FRMPD2: variants seen among roughly 807,000 people sequenced by gnomAD.
FRMPD2 encodes FERM and PDZ domain containing 2, also known as FERM and PDZ domain-containing protein 2.
A neutral mutation model predicts 140.1 loss-of-function variants in FRMPD2; 96 were observed. The observed-to-expected ratio is 0.69, with a 90% CI of 0.58 to 0.81. FRMPD2 has a LOEUF of 0.81. Among genes scored for constraint, FRMPD2 ranks in the 40% least tolerant of loss-of-function variants. The pLI is 0.00. For missense variants in FRMPD2, 1,240 were observed against 1,447.4 expected (o/e 0.86, Z 2.32); for synonymous variants, 449 against 547.6 (o/e 0.82, Z 2.52).
chr10:48,239,541 A>G lies in FRMPD2; in HGVS notation c.788+64T>C, dbSNP rs1035049404. 3 of 1,147,694 alleles carry G rather than the reference A, an allele frequency of 2.6e-6. No individual in the cohort carries two copies. The African/African-American group carries it at 4.6e-5, about 18-fold the overall frequency. 71.1% of individuals were successfully genotyped at this position (1,147,694 alleles called of 1,614,324 possible). Reference sequence around the variant, plus strand: ...CTAATAATCAGTAAAGAAATAAGGTACCATAGCCCCCACACCTATGTCTCA... The same window carrying G: ...CTAATAATCAGTAAAGAAATAAGGTGCCATAGCCCCCACACCTATGTCTCA... On this transcript the variant is annotated intron_variant, in intron 7 of 28. Transcript: ENST00000374201.
chr10:48,181,345 C>T (rs1838541272), intron 20 of FRMPD2, among the ~76,000 whole-genome samples: 1 of 152,252 alleles, frequency 6.6e-6, no homozygotes, highest in South Asian at 2.1e-4. Context: ...ATCTTCCCAT[C>T]TTCTCAGCAA....
intron 1 of FRMPD2, among the ~76,000 whole-genome samples, chr10:48,273,187 C>A (rs1448143851): frequency 6.6e-6 from 1 of 152,208 alleles, no homozygotes. Flanking sequence ...TCTCTACATT[C>A]CACTGTTGTT....
intron 17 of FRMPD2, among the ~76,000 whole-genome samples, chr10:48,186,618 C>T (rs1838695006): frequency 6.6e-6 from 1 of 152,162 alleles, no homozygotes; most frequent in Admixed American, 6.5e-5. Flanking sequence ...CTGAGGCCTC[C>T]CCAGCCATGT....
At chr10:48,265,934 T>A (rs553526655) in intron 1 of FRMPD2, among the ~76,000 whole-genome samples, 2 of 152,322 alleles carry the variant, frequency 1.3e-5, no homozygotes, top group South Asian at 2.1e-4. Flanking sequence ...ATTGCAGCAG[T>A]ATTCACAGTG....
intron 10 of FRMPD2, among the ~76,000 whole-genome samples, chr10:48,226,945 C>T (rs189234500): frequency 1.3e-5 from 2 of 152,156 alleles, no homozygotes; most frequent in Non-Finnish European, 2.9e-5. Context: ...CAGTTTCTGG[C>T]AATGAGGATG....
chr10:48,197,612 G>T (rs1206901395), intron 15 of FRMPD2, among the ~76,000 whole-genome samples: 1 of 152,188 alleles, frequency 6.6e-6, no homozygotes, highest in African/African-American at 2.4e-5. Context: ...TCCTTTGCAA[G>T]CTCCCAGATG....
At position 48,201,404 on chromosome 10, in the gene FRMPD2, A is replaced by C; in HGVS notation, c.1798-20T>G. On this transcript the variant is annotated intron_variant, in intron 14 of 28. Coordinates refer to ENST00000374201, the MANE Select transcript of FRMPD2 (RefSeq NM_001018071.4). ...TTTTTGCTGAAGGAAGCAAACACAG[A>C]CTTTAATACACTGATCATCCACAAC... is the stretch of plus-strand genomic sequence containing the variant. The C allele has an allele frequency of 6.2e-7, 1 of 1,610,660 alleles. No individual in the cohort carries two copies. The highest frequency in any genetic ancestry group is 8.5e-7 in the Non-Finnish European group (1 of 1,177,926).
Position 48,163,698 on chromosome 10 carries a change from T to C in FRMPD2, c.3538-27A>G, listed in dbSNP as rs782655178. 76 of 1,522,682 alleles carry C rather than the reference T, an allele frequency of 5.0e-5. 1 individual carries two copies. The East Asian group carries it at 1.6e-3, about 32-fold the overall frequency. 94.3% of individuals were successfully genotyped at this position (1,522,682 alleles called of 1,614,324 possible). On this transcript the variant is annotated intron_variant, in intron 27 of 28. Coordinates refer to ENST00000374201, the MANE Select transcript of FRMPD2 (RefSeq NM_001018071.4). ...TATTAAAAGAAATGCTACTGATTAC[T>C]GGCTGCGGGATGCACATTGTTTTTT...
chr10:48,185,970 C>T (rs1838675636), intron 17 of FRMPD2, among the ~76,000 whole-genome samples: 1 of 152,138 alleles, frequency 6.6e-6, no homozygotes, highest in African/African-American at 2.4e-5. Flanking sequence ...GGTTTTGGGA[C>T]AAGACAGAGG....
chr10:48,220,282 C>G (rs764914034), intron 12 of FRMPD2, among the ~76,000 whole-genome samples: 1 of 152,036 alleles, frequency 6.6e-6, no homozygotes, highest in South Asian at 2.1e-4. Context: ...GAAATAAAGC[C>G]AAATACTTAC....
chr10:48,223,165 AAG>A lies in FRMPD2; in HGVS notation c.1272_1273del (p.Phe425ProfsTer39). Reference sequence around the variant, plus strand: ...GCTGACAAAGAACTTTATCCTCAGGAAGAGTGTGAAGGTATTCATGGAGGTCT... The same window carrying A: ...GCTGACAAAGAACTTTATCCTCAGGAAGTGTGAAGGTATTCATGGAGGTCT... On this transcript the variant is annotated frameshift_variant, in exon 11 of 29. Coordinates refer to ENST00000374201, the MANE Select transcript of FRMPD2 (RefSeq NM_001018071.4). LOFTEE classifies it high-confidence loss of function. The A allele has an allele frequency of 2.5e-6, 4 of 1,614,052 alleles. No homozygotes were observed. Among genetic ancestry groups the A allele is most frequent in the Non-Finnish European group, 3.4e-6 (4 of 1,179,912 alleles).
chr10:48,207,633 T>C (rs1233678795), intron 13 of FRMPD2, among the ~76,000 whole-genome samples: 1 of 152,202 alleles, frequency 6.6e-6, no homozygotes, highest in African/African-American at 2.4e-5. Context: ...CAAATGTTTC[T>C]ACATCTGAAT....
At position 48,217,734 on chromosome 10, in the gene FRMPD2, T is replaced by C. The variant is rs138675864; in HGVS notation, c.1455+4579A>G. On this transcript the variant is annotated intron_variant, in intron 12 of 28. Coordinates refer to ENST00000374201, the MANE Select transcript of FRMPD2 (RefSeq NM_001018071.4). ...AAATTTTACAACCCACTGTTCTCACTGTTTTAACTGTTGGGCTTGTCCTTG... is the reference window on the plus strand; with the variant it reads ...AAATTTTACAACCCACTGTTCTCACCGTTTTAACTGTTGGGCTTGTCCTTG... Among the ~76,000 whole-genome samples, 515 of 152,340 alleles carry C rather than the reference T, an allele frequency of 3.4e-3. 4 individuals are homozygous for C. The highest frequency in any genetic ancestry group is 0.012 in the African/African-American group (481 of 41,570).
In FRMPD2 at chr10:48,232,195, G is replaced by A; in HGVS notation, c.1088C>T (p.Thr363Ile). 5 of 1,614,172 alleles carry A rather than the reference G, an allele frequency of 3.1e-6. No homozygotes were observed. The highest frequency in any genetic ancestry group is 4.2e-6 in the Non-Finnish European group (5 of 1,180,018). ...CACGGCATTGAAGACAGCTCCCACT[G>A]TTGATTCAACATCACATTTTACCTC... ...HLEVKCDVES[T>I]VGAVFNAVTS... The change falls in exon 10 of 29, where the codon ACA becomes ATA. Residue 363 changes from threonine to isoleucine, a missense_variant. By Grantham distance (89) the Thr-to-Ile change is moderately conservative (BLOSUM62 -1). This residue lies in a region of FRMPD2 where 1,161 missense variants were observed against 1,055.9 expected (regional missense o/e 1.10). Coordinates refer to ENST00000374201, the MANE Select transcript of FRMPD2 (RefSeq NM_001018071.4).
At chr10:48,170,373 G>A (rs2132402806) in intron 26 of FRMPD2, among the ~76,000 whole-genome samples, 1 of 152,246 alleles carries the variant, frequency 6.6e-6, no homozygotes, top group Non-Finnish European at 1.5e-5. Flanking sequence ...TCCATTCCTG[G>A]GGTGGAATAA....
intron 12 of FRMPD2, among the ~76,000 whole-genome samples, chr10:48,212,783 A>G (rs570018460): frequency 2.6e-5 from 4 of 152,158 alleles, no homozygotes; most frequent in Admixed American, 1.3e-4. Flanking sequence ...CCCCCAGGAG[A>G]GGGTGGCAGG....
At chr10:48,166,554 T>C (rs1334723850) in intron 27 of FRMPD2, among the ~76,000 whole-genome samples, 1 of 121,882 alleles carries the variant, frequency 8.2e-6, no homozygotes, top group Non-Finnish European at 1.8e-5. Context: ...CCAGGGTCCC[T>C]GCCACCTCCA....
intron 23 of FRMPD2, among the ~76,000 whole-genome samples, chr10:48,175,381 T>C (rs1838381383): frequency 6.6e-6 from 1 of 152,042 alleles, no homozygotes; most frequent in Admixed American, 6.6e-5. Flanking sequence ...TGGAGATAAG[T>C]AAGATCCTAG....
intron 1 of FRMPD2, among the ~76,000 whole-genome samples, chr10:48,262,871 G>C (rs1169240131): frequency 6.6e-6 from 1 of 152,038 alleles, no homozygotes; most frequent in Non-Finnish European, 1.5e-5. Context: ...CACCTCCTGG[G>C]TTCAAGCAAT....
Sources: allele counts gnomAD v4.1 joint callset (sites outside exome capture counted in the v4.1 genomes callset), GRCh38; gene constraint gnomAD v4.1.1; regional missense constraint gnomAD v4.1.1; transcripts MANE v1.5; gene names NCBI Gene and HGNC (gene_info 2026-07-23, HGNC 2026-07-21).